The following NUP210L variants were observed in gnomAD, a reference collection of about 807,000 sequenced individuals.
NUP210L encodes nuclear pore membrane glycoprotein 210-like.
Under a neutral mutation model 208.5 loss-of-function variants are expected in NUP210L, and 74 were observed. The ratio of observed to expected loss-of-function variants is 0.35; its 90% CI spans 0.29 to 0.43. NUP210L has a LOEUF of 0.43. Among genes scored for constraint, NUP210L ranks in the 20% least tolerant of loss-of-function variants. The pLI is 1.00. For missense variants in NUP210L, 1,843 were observed against 2,289.4 expected (o/e 0.81, Z 3.98); for synonymous variants, 780 against 816.9 (o/e 0.95, Z 0.77).
intron 12 of NUP210L, among the ~76,000 whole-genome samples, chr1:154,111,050 C>T (rs1310956782): frequency 6.9e-6 from 1 of 145,390 alleles, no homozygotes; most frequent in Non-Finnish European, 1.5e-5. Context: ...TTTAGCCAGA[C>T]TAAAAAAAAA....
intron 14 of NUP210L, among the ~76,000 whole-genome samples, chr1:154,099,634 C>T (rs1324394167): frequency 1.3e-5 from 2 of 152,162 alleles, no homozygotes; most frequent in Admixed American, 6.6e-5. Context: ...CACTAATATA[C>T]TAACTTCGGT....
chr1:154,056,655 A>C (rs1165175288), intron 23 of NUP210L, among the ~76,000 whole-genome samples, 160 bp downstream of exon 23: 2 of 152,150 alleles, frequency 1.3e-5, no homozygotes, highest in Non-Finnish European at 2.9e-5. Context: ...TCCTGGGTTT[A>C]AGTGATGTTC....
intron 6 of NUP210L, among the ~76,000 whole-genome samples, chr1:154,136,648 C>T (rs917379829): frequency 3.3e-5 from 5 of 150,246 alleles, no homozygotes; most frequent in African/African-American, 4.9e-5. Flanking sequence ...AGGCCAGGTG[C>T]GGTGGTTCAC....
At chr1:154,046,042 TAACAC>T in intron 27 of NUP210L, 22 bp downstream of exon 27, 1 of 1,595,588 alleles carries the variant, frequency 6.3e-7, no homozygotes, top group Non-Finnish European at 8.5e-7. Context: ...ATCCCTAAGA[TAACAC>T]AATAAACAGG....
chr1:153,994,030 C>A (rs1649666347), intron 38 of NUP210L, among the ~76,000 whole-genome samples: 1 of 151,972 alleles, frequency 6.6e-6, no homozygotes. Context: ...TGTGTGCCAC[C>A]ACCACACCCA....
chr1:154,071,308 G>A (rs149772547), intron 16 of NUP210L, among the ~76,000 whole-genome samples: 14 of 151,228 alleles, frequency 9.3e-5, no homozygotes, highest in African/African-American at 3.4e-4. Flanking sequence ...ATTTTTTTAT[G>A]TCCGTAAGTT....
intron 7 of NUP210L, among the ~76,000 whole-genome samples, chr1:154,132,332 C>A (rs764175964): frequency 4.6e-5 from 7 of 152,150 alleles, no homozygotes; most frequent in African/African-American, 9.7e-5. Context: ...CTTTCTTGAT[C>A]CTTGAGGATC....
At chr1:154,123,277 C>T (rs1006504737) in intron 10 of NUP210L, among the ~76,000 whole-genome samples, 1 of 152,038 alleles carries the variant, frequency 6.6e-6, no homozygotes, top group Non-Finnish European at 1.5e-5. Context: ...TCCCGAGTAT[C>T]CGGGATTATA....
intron 37 of NUP210L, chr1:153,996,058 C>T: frequency 3.0e-6 from 1 of 334,442 alleles, no homozygotes; most frequent in South Asian, 2.5e-5. Flanking sequence ...TTTGGGAGGC[C>T]AAGGCGGGTG....
At chr1:154,152,547 A>G (rs746764389) in intron 2 of NUP210L, among the ~76,000 whole-genome samples, 189 bp downstream of exon 2, 28 of 151,410 alleles carry the variant, frequency 1.8e-4, no homozygotes, top group Non-Finnish European at 3.2e-4. Context: ...CCTGAGCTCA[A>G]GCAATCTTTC....
At chr1:154,081,149 C>A (rs1655304066) in intron 16 of NUP210L, among the ~76,000 whole-genome samples, 1 of 151,082 alleles carries the variant, frequency 6.6e-6, no homozygotes, top group Non-Finnish European at 1.5e-5. Context: ...CATGAAAAGT[C>A]TGATTAGCAT....
chr1:154,072,119 T>C (rs1213407920), intron 16 of NUP210L, among the ~76,000 whole-genome samples: 1 of 151,956 alleles, frequency 6.6e-6, no homozygotes, highest in Non-Finnish European at 1.5e-5. Context: ...ATATAATGAC[T>C]TCTTTTCCTC....
intron 10 of NUP210L, among the ~76,000 whole-genome samples, chr1:154,121,058 T>C (rs1657594184): frequency 6.6e-6 from 1 of 152,166 alleles, no homozygotes; most frequent in Non-Finnish European, 1.5e-5. Context: ...AGATCTCTTA[T>C]GGGGATCTCA....
At chr1:154,103,034 C>T (rs959441763) in intron 13 of NUP210L, among the ~76,000 whole-genome samples, 19 of 151,992 alleles carry the variant, frequency 1.3e-4, no homozygotes, top group Non-Finnish European at 2.4e-4. Flanking sequence ...TATGATTGCA[C>T]CACTGCACTC....
At chr1:154,123,310 T>TA (rs1657710325) in intron 10 of NUP210L, among the ~76,000 whole-genome samples, 2 of 152,022 alleles carry the variant, frequency 1.3e-5, no homozygotes, top group Admixed American at 1.3e-4. Flanking sequence ...CACGCCCAGC[T>TA]AATTTTTGCA....
At position 154,109,049 on chromosome 1, in the gene NUP210L, G is replaced by A. The variant is rs540625252; in HGVS notation, c.1621-4839C>T. 1.7e-4 allele frequency among the ~76,000 whole-genome samples: 26 copies of A among 151,796 alleles called. 3 individuals are homozygous for A. The highest frequency in any genetic ancestry group is 4.9e-4 in the African/African-American group (20 of 41,092). ...TGGGAGGCAGAGGTTACGGTGAGCCGAGATCATGCCATCGCACTCCAGCCT... is the reference window on the plus strand; with the variant it reads ...TGGGAGGCAGAGGTTACGGTGAGCCAAGATCATGCCATCGCACTCCAGCCT... On this transcript the variant is annotated intron_variant, in intron 12 of 39. Transcript: ENST00000368559.
Position 154,072,598 on chromosome 1 carries a change from T to C in NUP210L, c.2362-2133A>G, listed in dbSNP as rs527456858. On this transcript the variant is annotated intron_variant, in intron 16 of 39. Coordinates refer to ENST00000368559, the Ensembl canonical transcript of NUP210L. The stretch of plus-strand genomic sequence containing the variant: ...CCGCCCGCCTTGACCTCCCAAAGTG[T>C]TGGGATTACAGGCGTGAGCCACCGC... Among the ~76,000 whole-genome samples, 34 of 152,028 alleles carry C rather than the reference T, an allele frequency of 2.2e-4. 2 individuals carry two copies. In the South Asian group the frequency reaches 4.8e-3, roughly 21 times the overall value.
chr1:154,112,858 GAAA>G (rs35923188), intron 12 of NUP210L, among the ~76,000 whole-genome samples: 2 of 127,234 alleles, frequency 1.6e-5, no homozygotes, highest in African/African-American at 5.7e-5. Flanking sequence ...CCTGTCTGGG[GAAA>G]AAAAAAAAAA....
intron 12 of NUP210L, among the ~76,000 whole-genome samples, chr1:154,114,601 T>C (rs1338301059): frequency 6.6e-6 from 1 of 152,130 alleles, no homozygotes; most frequent in African/African-American, 2.4e-5. Context: ...TTCCATTTTT[T>C]TGTATTTTCT....
Sources: gnomAD v4.1 joint callset for allele counts (sites outside exome capture counted in the v4.1 genomes callset) on GRCh38, gnomAD v4.1.1 for gene constraint, MANE v1.5 for transcripts, NCBI Gene and HGNC (gene_info 2026-07-23, HGNC 2026-07-21) for gene names.